The following RFX3 variants were observed in gnomAD, a reference collection of about 807,000 sequenced individuals.
RFX3 encodes the protein regulatory factor X3.
Under a neutral mutation model 98.6 loss-of-function variants are expected in RFX3, and 14 were observed. The observed-to-expected ratio is 0.14, with a 90% CI of 0.09 to 0.22. The LOEUF is 0.22. Ranked by LOEUF, RFX3 falls within the 10% of genes least tolerant of loss-of-function variation. The probability of loss-of-function intolerance (pLI) is 1.00; values close to 1 mark genes in which losing one functional copy is unlikely to be tolerated. For synonymous variants in RFX3, 383 were observed against 328.4 expected, an observed-to-expected ratio of 1.17 and a Z score of -1.80; for missense variants, 639 against 926.9, an observed-to-expected ratio of 0.69 and a Z score of 4.03.
intron 1 of RFX3, among the ~76,000 whole-genome samples, chr9:3,518,671 GA>G (rs1234698004): frequency 6.6e-6 from 1 of 152,102 alleles, no homozygotes; most frequent in Non-Finnish European, 1.5e-5. Flanking sequence ...GGAAATTACT[GA>G]ATAGCAACTT....
chr9:3,476,620 G>A (rs1849280955), intron 1 of RFX3, among the ~76,000 whole-genome samples: 1 of 152,104 alleles, frequency 6.6e-6, no homozygotes, highest in Non-Finnish European at 1.5e-5. Context: ...AATTCCAGAA[G>A]AGAACCATAT....
rs139735024 is a variant in RFX3, at chr9:3,284,522, G to A, written c.851+3609C>T. Among the ~76,000 whole-genome samples the A allele has an allele frequency of 6.8e-4, 103 of 151,394 alleles. 1 individual carries two copies. The highest frequency in any genetic ancestry group is 1.1e-3 in the Non-Finnish European group (74 of 67,654). On this transcript the variant is annotated intron_variant, in intron 7 of 16. Coordinates refer to ENST00000617270, the MANE Select transcript of RFX3 (RefSeq NM_001282116.2). ...ACAGTCTCCTGCCTCCTTAACCATG[G>A]TATTTTACCTCCCCTTGATTACCCA... is the stretch of plus-strand genomic sequence containing the variant.
intron 1 of RFX3, among the ~76,000 whole-genome samples, chr9:3,405,620 T>C (rs1008102747): frequency 1.3e-5 from 2 of 152,232 alleles, no homozygotes; most frequent in South Asian, 2.1e-4. Context: ...TCCAGTCATC[T>C]TGGCATCCTT....
chr9:3,516,656 G>C (rs904943158), intron 1 of RFX3, among the ~76,000 whole-genome samples: 3 of 152,176 alleles, frequency 2.0e-5, no homozygotes, highest in Non-Finnish European at 2.9e-5. Flanking sequence ...TCTTAAAAAT[G>C]AGATCAACAG....
At chr9:3,265,379 C>T (rs555719805) in intron 12 of RFX3, among the ~76,000 whole-genome samples, 10 of 152,186 alleles carry the variant, frequency 6.6e-5, no homozygotes, top group Non-Finnish European at 8.8e-5. Flanking sequence ...CCCAAGCAAA[C>T]GAACTGGAGG....
Position 3,222,632 on chromosome 9 carries a change from C to T in RFX3, c.*2410G>A, listed in dbSNP as rs1158135378. ...AACTGAAAAAATTCAGAAAGGAGAG[C>T]CAAAATGAAGAGTGTTTTTTCAATT... On this transcript the variant is annotated 3_prime_UTR_variant, in exon 17 of 17. Transcript: ENST00000617270. 2.0e-5 allele frequency: 3 copies of T among 152,040 alleles called. No individual in the cohort carries two copies. The highest frequency in any genetic ancestry group is 2.9e-5 in the Non-Finnish European group (2 of 67,984). The allele number at this position is 152,040 out of a possible 1,614,324, so 9.4% of individuals were successfully genotyped here. A position where few individuals can be genotyped will look rare whatever the true frequency, so the allele number is the denominator to read the frequency against.
At chr9:3,279,385 A>G (rs887857546) in intron 7 of RFX3, among the ~76,000 whole-genome samples, 2 of 151,858 alleles carry the variant, frequency 1.3e-5, no homozygotes, top group Admixed American at 6.6e-5. Flanking sequence ...GCTTGAATAA[A>G]AGTGGTTAAA....
At chr9:3,244,252 C>T (rs1202235232) in intron 15 of RFX3, among the ~76,000 whole-genome samples, 4 of 152,022 alleles carry the variant, frequency 2.6e-5, no homozygotes, top group Non-Finnish European at 4.4e-5. Context: ...GTGATCCACC[C>T]GCCTTGTCCT....
At chr9:3,375,492 T>G (rs1838358065) in intron 2 of RFX3, among the ~76,000 whole-genome samples, 1 of 152,228 alleles carries the variant, frequency 6.6e-6, no homozygotes, top group Non-Finnish European at 1.5e-5. Context: ...TTTCTAAAAT[T>G]AAACAAATTT....
intron 1 of RFX3, among the ~76,000 whole-genome samples, chr9:3,444,907 T>G (rs764419177): frequency 3.9e-5 from 6 of 152,192 alleles, no homozygotes; most frequent in Admixed American, 2.0e-4. Flanking sequence ...GAAACTCAAA[T>G]GATCACTTTG....
intron 2 of RFX3, among the ~76,000 whole-genome samples, chr9:3,372,152 G>A (rs1481980938): frequency 6.6e-6 from 1 of 151,972 alleles, no homozygotes; most frequent in Non-Finnish European, 1.5e-5. Context: ...TACCTTCTTT[G>A]CCTACCATCA....
At chr9:3,481,081 A>G (rs1269648993) in intron 1 of RFX3, among the ~76,000 whole-genome samples, 2 of 152,176 alleles carry the variant, frequency 1.3e-5, no homozygotes, top group African/African-American at 4.8e-5. Flanking sequence ...TTATTGTCCA[A>G]TTATATGTCA....
intron 14 of RFX3, among the ~76,000 whole-genome samples, chr9:3,250,414 G>C (rs947328800): frequency 2.0e-5 from 3 of 151,968 alleles, no homozygotes; most frequent in Admixed American, 6.6e-5. Flanking sequence ...GAAAATTAAA[G>C]TAAGATACCC....
At chr9:3,519,728 T>C (rs868645771) in intron 1 of RFX3, among the ~76,000 whole-genome samples, 1 of 152,200 alleles carries the variant, frequency 6.6e-6, no homozygotes, top group Non-Finnish European at 1.5e-5. Context: ...ATTCTATCCA[T>C]CTATTTAAAG....
chr9:3,257,053 A>G lies in RFX3; in HGVS notation c.1752T>C (p.Tyr584=), dbSNP rs75015818. 605 of 1,614,050 alleles carry G rather than the reference A, an allele frequency of 3.7e-4. 2 individuals carry two copies. In the African/African-American group the frequency reaches 6.5e-3, roughly 17 times the overall value. ...CTTTAGGAAAACTGGGTCTTCCTTCATAGGGTTTCAGTGCTTGCATCATCA... is the reference window on the plus strand; with the variant it reads ...CTTTAGGAAAACTGGGTCTTCCTTCGTAGGGTTTCAGTGCTTGCATCATCA... ...DNVMMQALKP[Y]EGRPSFPKAA... is the part of the protein sequence containing the mutation. The change falls in exon 14 of 17, where the codon TAT becomes TAC. Residue 584 remains tyrosine (Y), a synonymous_variant. Coordinates refer to ENST00000617270, the MANE Select transcript of RFX3 (RefSeq NM_001282116.2).
chr9:3,327,873 A>T (rs1832103850), intron 4 of RFX3, among the ~76,000 whole-genome samples: 1 of 148,650 alleles, frequency 6.7e-6, no homozygotes, highest in Admixed American at 6.7e-5. Context: ...ACCTACATAG[A>T]AAGTGTATAC....
chr9:3,380,702 T>A (rs1839088815), intron 2 of RFX3, among the ~76,000 whole-genome samples: 1 of 152,236 alleles, frequency 6.6e-6, no homozygotes, highest in Non-Finnish European at 1.5e-5. Flanking sequence ...AAATGAATGC[T>A]AACTTGAAGT....
At chr9:3,300,508 G>C (rs1482642341) in intron 5 of RFX3, among the ~76,000 whole-genome samples, 1 of 151,532 alleles carries the variant, frequency 6.6e-6, no homozygotes, top group Non-Finnish European at 1.5e-5. Context: ...AAAAAACACA[G>C]TTAAAACATT....
At chr9:3,311,563 T>G (rs1829963074) in intron 4 of RFX3, among the ~76,000 whole-genome samples, 1 of 152,150 alleles carries the variant, frequency 6.6e-6, no homozygotes, top group African/African-American at 2.4e-5. Flanking sequence ...GAACCAGCAG[T>G]ATCAAAATCA....
Sources: allele counts gnomAD v4.1 joint callset (sites outside exome capture counted in the v4.1 genomes callset), GRCh38; gene constraint gnomAD v4.1.1; transcripts MANE v1.5; gene names NCBI Gene and HGNC (gene_info 2026-07-23, HGNC 2026-07-21).